The following HDAC9 variants were observed in gnomAD, a reference collection of about 807,000 sequenced individuals.
The protein encoded by HDAC9 is histone deacetylase 9.
HDAC9 carries 41 observed loss-of-function variants against 139.4 expected under a neutral mutation model. The observed-to-expected ratio is 0.29, with a 90% CI of 0.23 to 0.38. HDAC9 has a LOEUF of 0.38. HDAC9 is among the 10% of genes least tolerant of loss of function. The pLI, the probability that HDAC9 is intolerant of heterozygous loss-of-function variation, is 1.00. For missense variants in HDAC9, 1,147 were observed against 1,297.0 expected (o/e 0.88, Z 1.78); for synonymous variants, 517 against 476.2 (o/e 1.09, Z -1.12).
In HDAC9 at chr7:18,975,936, T is replaced by C. The variant is rs1185890658; in HGVS notation, c.3153T>C (p.Phe1051=). ...ASLTVDVEQP[F]AQEDSRTAGE... is the part of the protein sequence containing the mutation. ...TAACAGTGGATGTGGAACAGCCCTT[T>C]GCTCAGGAAGACAGCAGGTATGAAT... The change falls in exon 25 of 26, where the codon TTT becomes TTC. Residue 1051 remains phenylalanine, a synonymous_variant. Coordinates refer to ENST00000686413, the MANE Select transcript of HDAC9 (RefSeq NM_178425.4). 2 of 1,613,626 alleles carry C rather than the reference T, an allele frequency of 1.2e-6. No individual in the cohort carries two copies. Among genetic ancestry groups the C allele is most frequent in the Admixed American group, 1.7e-5 (1 of 59,946 alleles).
chr7:18,238,796 A>G (rs1221675889), intron 2 of HDAC9, among the ~76,000 whole-genome samples: 1 of 152,132 alleles, frequency 6.6e-6, no homozygotes, highest in East Asian at 1.9e-4. Flanking sequence ...AAAACCATAG[A>G]ATGTTCCGCT....
At chr7:18,876,882 A>G (rs1348715699) in intron 22 of HDAC9, among the ~76,000 whole-genome samples, 1 of 151,752 alleles carries the variant, frequency 6.6e-6, no homozygotes, top group Non-Finnish European at 1.5e-5. Context: ...TTGTATTTTT[A>G]GTAGAGACAG....
At chr7:18,566,935 T>C (rs1446910975) in intron 2 of HDAC9, among the ~76,000 whole-genome samples, 1 of 152,186 alleles carries the variant, frequency 6.6e-6, no homozygotes, top group Non-Finnish European at 1.5e-5. Context: ...GGATGTACCA[T>C]ACCGTATGTT....
chr7:18,963,539 CTT>C (rs1035153517), intron 24 of HDAC9, among the ~76,000 whole-genome samples: 10 of 152,034 alleles, frequency 6.6e-5, no homozygotes, highest in African/African-American at 2.4e-4. Context: ...AATAATAAGA[CTT>C]ATTTGTGGAG....
intron 1 of HDAC9, among the ~76,000 whole-genome samples, chr7:18,293,884 C>A (rs659920): frequency 0.39 from 58,644 of 151,908 alleles, 13,506 homozygotes; most frequent in African/African-American, 0.65. Context: ...TAAATGTAAA[C>A]ATTTAATAAG....
chr7:18,782,896 A>C (rs903823047), intron 16 of HDAC9, among the ~76,000 whole-genome samples: 1 of 152,056 alleles, frequency 6.6e-6, no homozygotes, highest in African/African-American at 2.4e-5. Context: ...TGCAAGTGGA[A>C]CTGCTGGTTT....
chr7:18,828,005 C>A (rs1247119256), intron 17 of HDAC9, among the ~76,000 whole-genome samples: 1 of 151,964 alleles, frequency 6.6e-6, no homozygotes, highest in African/African-American at 2.4e-5. Context: ...TACTAGATTT[C>A]TAATTGACAT....
At chr7:18,984,351 G>A (rs1785157116) in intron 25 of HDAC9, among the ~76,000 whole-genome samples, 1 of 152,116 alleles carries the variant, frequency 6.6e-6, no homozygotes, top group Admixed American at 6.6e-5. Context: ...GAGTAAGCTG[G>A]CTGGGTAGAA....
intron 1 of HDAC9, among the ~76,000 whole-genome samples, chr7:18,344,051 T>C (rs1299531735): frequency 6.6e-6 from 1 of 151,892 alleles, no homozygotes; most frequent in African/African-American, 2.4e-5. Flanking sequence ...AATAGAAATA[T>C]CACTTTTTAG....
chr7:18,756,934 T>C (rs915052575), intron 14 of HDAC9, among the ~76,000 whole-genome samples: 1 of 151,934 alleles, frequency 6.6e-6, no homozygotes, highest in Non-Finnish European at 1.5e-5. Flanking sequence ...ACGAGGAGGG[T>C]TGTGTGGAAG....
At chr7:18,482,118 C>G (rs1057186989) in intron 1 of HDAC9, among the ~76,000 whole-genome samples, 1 of 151,870 alleles carries the variant, frequency 6.6e-6, no homozygotes, top group African/African-American at 2.4e-5. Context: ...TGAGTGTGCT[C>G]TGCACTTTCT....
chr7:18,211,018 A>G (rs192668227), intron 2 of HDAC9, among the ~76,000 whole-genome samples: 1 of 152,330 alleles, frequency 6.6e-6, no homozygotes, highest in Admixed American at 6.5e-5. Context: ...CTTAAAATGC[A>G]TGCAAATAGT....
At chr7:18,465,427 A>G (rs1794188632) in intron 1 of HDAC9, among the ~76,000 whole-genome samples, 1 of 152,178 alleles carries the variant, frequency 6.6e-6, no homozygotes, top group East Asian at 1.9e-4. Context: ...TATATTCATT[A>G]TTAAGAAAGA....
chr7:18,534,387 A>G (rs1463849931), intron 2 of HDAC9, among the ~76,000 whole-genome samples: 2 of 152,172 alleles, frequency 1.3e-5, no homozygotes, highest in Non-Finnish European at 2.9e-5. Flanking sequence ...CAAAACAACA[A>G]CAACAACAAA....
chr7:18,296,416 G>T (rs1192519203), intron 1 of HDAC9, among the ~76,000 whole-genome samples: 1 of 117,630 alleles, frequency 8.5e-6, no homozygotes, highest in African/African-American at 4.1e-5. Context: ...AATTCATATA[G>T]CTCATATTTG....
intron 1 of HDAC9, among the ~76,000 whole-genome samples, chr7:18,133,850 A>G (rs914417362): frequency 2.6e-5 from 4 of 151,818 alleles, no homozygotes; most frequent in Non-Finnish European, 5.9e-5. Context: ...ATGGCGTTAC[A>G]TTTTACTTTC....
chr7:18,284,284 A>T (rs780521750), intron 2 of HDAC9, among the ~76,000 whole-genome samples: 1 of 152,180 alleles, frequency 6.6e-6, no homozygotes, highest in Non-Finnish European at 1.5e-5. Context: ...ATGCACACAC[A>T]TATGTATATA....
Position 18,668,004 on chromosome 7 carries a change from T to C in HDAC9, c.1731+1528T>C, listed in dbSNP as rs1017640325. 92 of 974,732 alleles carry C rather than the reference T, an allele frequency of 9.4e-5. No individual in the cohort carries two copies. The African/African-American group carries it at 1.5e-3, about 16-fold the overall frequency. The allele number at this position is 974,732 out of a possible 1,614,324, so 60.4% of individuals were successfully genotyped here. ...TTTCTAAATCCGAGGTATTTCAAGGTGTAGTATCCTATTTCAAAGGAGATA... is the reference window on the plus strand; with the variant it reads ...TTTCTAAATCCGAGGTATTTCAAGGCGTAGTATCCTATTTCAAAGGAGATA... On this transcript the variant is annotated intron_variant, in intron 12 of 25. Transcript: ENST00000686413.
intron 1 of HDAC9, among the ~76,000 whole-genome samples, chr7:18,483,901 T>G (rs1186452750): frequency 6.6e-6 from 1 of 152,162 alleles, no homozygotes; most frequent in African/African-American, 2.4e-5. Flanking sequence ...TTCTATCAAC[T>G]GATTTGAATC....
Sources: allele counts gnomAD v4.1 joint callset (sites outside exome capture counted in the v4.1 genomes callset), GRCh38; gene constraint gnomAD v4.1.1; transcripts MANE v1.5; gene names NCBI Gene and HGNC (gene_info 2026-07-23, HGNC 2026-07-21).